Variants in EPB41L2 observed in about 807,000 individuals in gnomAD.
EPB41L2 encodes erythrocyte membrane protein band 4.1 like 2.
A neutral mutation model predicts 113.0 loss-of-function variants in EPB41L2; 43 were observed. The observed-to-expected ratio is 0.38, with a 90% CI of 0.30 to 0.49. The LOEUF is 0.49. Among genes scored for constraint, EPB41L2 ranks in the 20% least tolerant of loss-of-function variants. EPB41L2 has a pLI of 0.95. For synonymous variants in EPB41L2, 442 were observed against 436.7 expected, an observed-to-expected ratio of 1.01 and a Z score of -0.15; for missense variants, 1,147 against 1,223.4, an observed-to-expected ratio of 0.94 and a Z score of 0.93.
chr6:131,006,642 TG>T (rs1421509896), intron 1 of EPB41L2, among the ~76,000 whole-genome samples: 1 of 143,094 alleles, frequency 7.0e-6, no homozygotes, highest in Non-Finnish European at 1.5e-5. Flanking sequence ...TGAACCCGAC[TG>T]GGTGACGGAC....
intron 4 of EPB41L2, among the ~76,000 whole-genome samples, chr6:130,923,112 G>A (rs1014779591): frequency 6.6e-6 from 1 of 152,040 alleles, no homozygotes; most frequent in Non-Finnish European, 1.5e-5. Context: ...TTAATTCTTG[G>A]TATCTGTCAT....
At chr6:130,982,807 T>C (rs1468453281) in intron 1 of EPB41L2, among the ~76,000 whole-genome samples, 2 of 152,222 alleles carry the variant, frequency 1.3e-5, no homozygotes, top group Non-Finnish European at 2.9e-5. Context: ...AGGCACATAT[T>C]ATCAAGTTCA....
At chr6:130,919,935 C>T (rs1802342088) in intron 4 of EPB41L2, among the ~76,000 whole-genome samples, 1 of 152,192 alleles carries the variant, frequency 6.6e-6, no homozygotes, top group South Asian at 2.1e-4. Flanking sequence ...CTTTTACCCT[C>T]TATTTCACAG....
At chr6:130,976,817 G>A (rs1039642947) in intron 1 of EPB41L2, among the ~76,000 whole-genome samples, 2 of 152,154 alleles carry the variant, frequency 1.3e-5, no homozygotes, top group African/African-American at 4.8e-5. Context: ...TCTATTTTAT[G>A]TCTAAGAAAT....
intron 1 of EPB41L2, among the ~76,000 whole-genome samples, chr6:131,034,416 T>C (rs945573657): frequency 6.6e-6 from 1 of 152,198 alleles, no homozygotes; most frequent in Admixed American, 6.5e-5. Flanking sequence ...GAGATCAGTC[T>C]GGGCAGCATG....
intron 1 of EPB41L2, among the ~76,000 whole-genome samples, chr6:131,036,642 T>C (rs112053714): frequency 0.017 from 2,654 of 152,252 alleles, 89 homozygotes; most frequent in African/African-American, 0.059. Flanking sequence ...TAGGTCTCAA[T>C]TCCTTCATAA....
At chr6:130,845,384 C>CT (rs11288907) in intron 19 of EPB41L2, among the ~76,000 whole-genome samples, 3 of 151,304 alleles carry the variant, frequency 2.0e-5, no homozygotes, top group Non-Finnish European at 4.4e-5. Context: ...TAACCTTATT[C>CT]TTTTTTTTTT....
chr6:130,910,292 T>C (rs1798967478), intron 4 of EPB41L2, among the ~76,000 whole-genome samples: 1 of 152,204 alleles, frequency 6.6e-6, no homozygotes, highest in South Asian at 2.1e-4. Context: ...GATTCCCTAT[T>C]TAATAAATGA....
At chr6:130,981,991 G>C (rs1314526460) in intron 1 of EPB41L2, among the ~76,000 whole-genome samples, 2 of 151,330 alleles carry the variant, frequency 1.3e-5, no homozygotes, top group Admixed American at 1.3e-4. Context: ...AACTACTAAG[G>C]AATAATAGTG....
At chr6:130,992,341 T>G (rs1584340717) in intron 1 of EPB41L2, among the ~76,000 whole-genome samples, 1 of 152,166 alleles carries the variant, frequency 6.6e-6, no homozygotes, top group African/African-American at 2.4e-5. Flanking sequence ...TGCTGTTGAC[T>G]GGCTGCCACT....
At chr6:130,965,395 T>C (rs1000916039) in intron 1 of EPB41L2, among the ~76,000 whole-genome samples, 1 of 151,940 alleles carries the variant, frequency 6.6e-6, no homozygotes, top group Non-Finnish European at 1.5e-5. Context: ...GAAATACTGG[T>C]TAAACACTCA....
intron 19 of EPB41L2, among the ~76,000 whole-genome samples, chr6:130,842,334 T>C (rs1372119422): frequency 6.6e-6 from 1 of 152,138 alleles, no homozygotes; most frequent in Non-Finnish European, 1.5e-5. Flanking sequence ...AGTCTTTTTT[T>C]AGGTTAGTAA....
chr6:130,960,012 T>A (rs1453367493), intron 1 of EPB41L2, among the ~76,000 whole-genome samples: 2 of 152,266 alleles, frequency 1.3e-5, no homozygotes, highest in Non-Finnish European at 2.9e-5. Context: ...ATTTTAATCA[T>A]AAGGGTTTCC....
rs149851978 is a variant in EPB41L2 at position 131,048,710 on chromosome 6, G to A, written c.-15+14445C>T. 4.4e-3 allele frequency among the ~76,000 whole-genome samples: 669 copies of A among 152,264 alleles called. 11 individuals are homozygous for A. The highest frequency in any genetic ancestry group is 0.015 in the African/African-American group (643 of 41,528). ...CTGTTGAAGCCAGGCGAGGATACGC[G>A]AGGTTCATTATACTACTATTCTCTA... On this transcript the variant is annotated intron_variant, in intron 1 of 19. Coordinates refer to ENST00000337057, the MANE Select transcript of EPB41L2 (RefSeq NM_001431.4).
chr6:130,972,363 A>G (rs1161375952), intron 1 of EPB41L2, among the ~76,000 whole-genome samples: 3 of 144,268 alleles, frequency 2.1e-5, no homozygotes, highest in Non-Finnish European at 2.9e-5. Flanking sequence ...ATGACTAAAA[A>G]TAAGATAATA....
At chr6:130,868,602 T>C (rs570995936) in intron 15 of EPB41L2, 23 of 152,344 alleles carry the variant, frequency 1.5e-4, no homozygotes, top group Middle Eastern at 3.4e-3. Flanking sequence ...AAAAGTAACA[T>C]GGTTAAAATC....
At chr6:131,008,716 G>T (rs1315151290) in intron 1 of EPB41L2, among the ~76,000 whole-genome samples, 3 of 152,236 alleles carry the variant, frequency 2.0e-5, no homozygotes, top group Non-Finnish European at 4.4e-5. Context: ...CTTGCATCAT[G>T]ATCTGGATGT....
At chr6:130,972,135 CCAACATGG>C (rs1245397824) in intron 1 of EPB41L2, among the ~76,000 whole-genome samples, 2 of 152,028 alleles carry the variant, frequency 1.3e-5, no homozygotes, top group East Asian at 3.9e-4. Context: ...ACCAGCCTGG[CCAACATGG>C]CAAAACCCCA....
At chr6:130,872,938 C>G (rs1441618043) in intron 14 of EPB41L2, among the ~76,000 whole-genome samples, 1 of 152,204 alleles carries the variant, frequency 6.6e-6, no homozygotes, top group South Asian at 2.1e-4. Context: ...AGTCCTCCCT[C>G]TCCTGCCTCC....
Sources: gnomAD v4.1 joint callset for allele counts (sites outside exome capture counted in the v4.1 genomes callset) on GRCh38, gnomAD v4.1.1 for gene constraint, MANE v1.5 for transcripts, NCBI Gene and HGNC (gene_info 2026-07-23, HGNC 2026-07-21) for gene names.